Variants in ROBO2 observed in about 807,000 individuals in gnomAD.
ROBO2 encodes roundabout homolog 2.
In ROBO2, 53 loss-of-function variants were observed where a neutral mutation model predicts 160.8. That is an observed-to-expected ratio of 0.33 (90% CI 0.26 to 0.41). The LOEUF (loss-of-function observed/expected upper bound fraction) is 0.41, where lower values mean the gene tolerates loss of function less well. Among genes scored for constraint, ROBO2 ranks in the 10% least tolerant of loss-of-function variants. ROBO2 has a pLI of 1.00. For missense variants in ROBO2, 1,577 were observed against 1,722.4 expected (o/e 0.92, Z 1.49); for synonymous variants, 664 against 611.7 (o/e 1.09, Z -1.26).
chr3:77,398,972 A>G (rs1265329279), intron 2 of ROBO2, among the ~76,000 whole-genome samples: 2 of 152,156 alleles, frequency 1.3e-5, no homozygotes, highest in African/African-American at 4.8e-5. Context: ...TCCTTCTAAA[A>G]GTGATACAGT....
intron 2 of ROBO2, among the ~76,000 whole-genome samples, chr3:76,034,262 T>A (rs1192930267): frequency 6.6e-6 from 1 of 152,180 alleles, no homozygotes; most frequent in African/African-American, 2.4e-5. Flanking sequence ...GGAAAAAAAA[T>A]ATGTATCTGC....
At chr3:76,054,523 C>A (rs1464128925) in intron 2 of ROBO2, among the ~76,000 whole-genome samples, 1 of 152,128 alleles carries the variant, frequency 6.6e-6, no homozygotes, top group African/African-American at 2.4e-5. Flanking sequence ...TAGTTTTATT[C>A]CCTCCAAGTT....
chr3:76,004,525 T>G (rs1188338351), intron 2 of ROBO2, among the ~76,000 whole-genome samples: 1 of 152,184 alleles, frequency 6.6e-6, no homozygotes, highest in Non-Finnish European at 1.5e-5. Context: ...TTCAAGTTAC[T>G]GACAGATTCA....
chr3:76,941,963 A>C (rs1261670846), intron 2 of ROBO2, among the ~76,000 whole-genome samples: 1 of 152,204 alleles, frequency 6.6e-6, no homozygotes, highest in Non-Finnish European at 1.5e-5. Context: ...TTAGTAAATA[A>C]GTATTAAATG....
rs2070763838 is a variant in ROBO2, at chr3:77,094,449, GTTGT to G, written c.62-3562_62-3559del. ...ATCCATTCAGTTGGTAGACATTTGG[GTTGT>G]TTCTACTTTTTTGACTATTGTGAAT... On this transcript the variant is annotated intron_variant, in intron 1 of 25. Coordinates refer to ENST00000461745, the Ensembl canonical transcript of ROBO2. 2.0e-5 allele frequency among the ~76,000 whole-genome samples: 3 copies of G among 152,066 alleles called. No individual in the cohort carries two copies. The South Asian group carries it at 6.2e-4, about 32-fold the overall frequency.
intron 2 of ROBO2, among the ~76,000 whole-genome samples, chr3:77,297,790 A>T (rs1324531531): frequency 6.6e-6 from 1 of 152,168 alleles, no homozygotes; most frequent in East Asian, 1.9e-4. Context: ...ATTGACAAAC[A>T]AAGGAAGTAA....
At chr3:77,002,809 A>G (rs1480636267) in intron 2 of ROBO2, among the ~76,000 whole-genome samples, 1 of 152,154 alleles carries the variant, frequency 6.6e-6, no homozygotes, top group African/African-American at 2.4e-5. Flanking sequence ...CATGAAAGTC[A>G]GGGAAATAAT....
At chr3:77,143,938 T>G (rs1374473290) in intron 2 of ROBO2, among the ~76,000 whole-genome samples, 1 of 152,228 alleles carries the variant, frequency 6.6e-6, no homozygotes, top group Admixed American at 6.5e-5. Flanking sequence ...ACCATTGAAT[T>G]GTCCTAAAAC....
intron 4 of ROBO2, among the ~76,000 whole-genome samples, chr3:77,483,690 CA>C (rs1447949400): frequency 6.1e-5 from 9 of 146,642 alleles, no homozygotes; most frequent in South Asian, 2.1e-4. Flanking sequence ...TTTTGTTGTT[CA>C]AAAAAATAAG....
intron 2 of ROBO2, among the ~76,000 whole-genome samples, chr3:76,819,171 C>T (rs146998510): frequency 4.4e-4 from 67 of 152,116 alleles, no homozygotes; most frequent in African/African-American, 1.3e-3. Flanking sequence ...TTACACAAAG[C>T]GGAGAGTGCT....
At chr3:76,029,578 C>T (rs1366856880) in intron 2 of ROBO2, among the ~76,000 whole-genome samples, 1 of 152,082 alleles carries the variant, frequency 6.6e-6, no homozygotes, top group Non-Finnish European at 1.5e-5. Flanking sequence ...CAAGTGTTCT[C>T]ATTGTTCAAT....
intron 2 of ROBO2, among the ~76,000 whole-genome samples, chr3:77,296,922 G>T (rs2062194539): frequency 6.6e-6 from 1 of 152,124 alleles, no homozygotes; most frequent in Non-Finnish European, 1.5e-5. Flanking sequence ...ACCACCTCGT[G>T]TGAAAAATAT....
intron 2 of ROBO2, among the ~76,000 whole-genome samples, chr3:76,172,184 A>G (rs1366586739): frequency 6.6e-6 from 1 of 151,704 alleles, no homozygotes; most frequent in Non-Finnish European, 1.5e-5. Flanking sequence ...TTTTTTTATG[A>G]CTGTGTAAAA....
chr3:76,210,773 A>C (rs1452538591), intron 2 of ROBO2, among the ~76,000 whole-genome samples: 1 of 152,118 alleles, frequency 6.6e-6, no homozygotes, highest in East Asian at 1.9e-4. Flanking sequence ...TGCACAAAGA[A>C]CTTTGTAAAC....
chr3:75,946,466 A>G (rs574034165), intron 2 of ROBO2, among the ~76,000 whole-genome samples: 1 of 152,138 alleles, frequency 6.6e-6, no homozygotes, highest in Admixed American at 6.6e-5. Context: ...ACCTAAACAA[A>G]GCAATGGTGT....
At chr3:77,310,150 T>C (rs2063419012) in intron 2 of ROBO2, among the ~76,000 whole-genome samples, 1 of 152,198 alleles carries the variant, frequency 6.6e-6, no homozygotes, top group Non-Finnish European at 1.5e-5. Context: ...TTTCCTTTAA[T>C]GGATCACGTA....
intron 2 of ROBO2, among the ~76,000 whole-genome samples, chr3:76,671,159 G>C (rs1050678324): frequency 6.6e-6 from 1 of 151,888 alleles, no homozygotes; most frequent in Non-Finnish European, 1.5e-5. Context: ...AATAATTAGT[G>C]GATACATCTA....
At chr3:77,404,489 T>A (rs967638923) in intron 2 of ROBO2, among the ~76,000 whole-genome samples, 13 of 152,184 alleles carry the variant, frequency 8.5e-5, no homozygotes, top group Non-Finnish European at 1.9e-4. Context: ...GTCAGCAGTA[T>A]GGCAAGGCAT....
intron 2 of ROBO2, among the ~76,000 whole-genome samples, chr3:77,166,718 C>A (rs139115308): frequency 6.7e-6 from 1 of 149,780 alleles, no homozygotes; most frequent in African/African-American, 2.5e-5. Context: ...CCACCACTCC[C>A]GGCTAATTTT....
Sources: allele counts gnomAD v4.1 joint callset (sites outside exome capture counted in the v4.1 genomes callset), GRCh38; gene constraint gnomAD v4.1.1; transcripts MANE v1.5; gene names NCBI Gene and HGNC (gene_info 2026-07-23, HGNC 2026-07-21).